The following GRK4 variants were observed in gnomAD, a reference collection of about 807,000 sequenced individuals.
GRK4 encodes G protein-coupled receptor kinase 4.
Under a neutral mutation model 77.9 loss-of-function variants are expected in GRK4, and 73 were observed. That is an observed-to-expected ratio of 0.94 (90% CI 0.78 to 1.14). The LOEUF is 1.14. Ranked by LOEUF, GRK4 falls within the 50% of genes most tolerant of loss-of-function variation. The pLI, the probability that GRK4 is intolerant of heterozygous loss-of-function variation, is 0.00. For synonymous variants in GRK4, 257 were observed against 254.4 expected (o/e 1.01, Z -0.10); for missense variants, 729 against 700.2 (o/e 1.04, Z -0.46).
In GRK4 at chr4:2,963,911, G is replaced by C; in HGVS notation, c.-160G>C. On this transcript the variant is annotated 5_prime_UTR_variant, in exon 1 of 16. Coordinates refer to ENST00000398052, the MANE Select transcript of GRK4 (RefSeq NM_182982.3). ...GGCGGCGGCGGCGGCGCCCTTGGTG[G>C]CAGTGGTGGCGGCGGAGCAGCCTCC... 1.4e-6 allele frequency: 1 copy of C among 721,312 alleles called. No individual in the cohort carries two copies. Among genetic ancestry groups the C allele is most frequent in the Non-Finnish European group, 2.4e-6 (1 of 415,630 alleles). The allele number at this position is 721,312 out of a possible 1,614,324, so 44.7% of individuals were successfully genotyped here. A position where few individuals can be genotyped will look rare whatever the true frequency, so the allele number is the denominator to read the frequency against.
At chr4:3,037,285 C>T (rs1010537650) in intron 13 of GRK4, 89 bp from the exon 14 acceptor site, 3 of 1,304,252 alleles carry the variant, frequency 2.3e-6, no homozygotes, top group African/African-American at 2.9e-5. Flanking sequence ...GTTTATGCGT[C>T]AGTTTGCTGG....
chr4:3,009,728 A>T lies in GRK4; in HGVS notation c.600+17A>T. ...TTTGGAGAGGTGAGTAACGGGAGCC[A>T]GTTCATAGCAGCGCTGCTAGCTGGG... is the stretch of plus-strand genomic sequence containing the variant. On this transcript the variant is annotated intron_variant, in intron 7 of 15. Transcript: ENST00000398052. The T allele has an allele frequency of 6.2e-7, 1 of 1,601,610 alleles. No individual in the cohort carries two copies. Among genetic ancestry groups the T allele is most frequent in the Non-Finnish European group, 8.6e-7 (1 of 1,168,684 alleles).
At chr4:2,976,735 G>A (rs1391795505) in intron 1 of GRK4, among the ~76,000 whole-genome samples, 2 of 150,908 alleles carry the variant, frequency 1.3e-5, no homozygotes, top group Non-Finnish European at 2.9e-5. Context: ...CCGCTTCCAG[G>A]TTCAGGTGAT....
chr4:2,982,288 C>G (rs560663471), intron 1 of GRK4, among the ~76,000 whole-genome samples: 1 of 152,370 alleles, frequency 6.6e-6, no homozygotes, highest in African/African-American at 2.4e-5. Context: ...CCCTGCCTGC[C>G]TCGCTGCTTG....
rs868582090 is a variant in GRK4, at chr4:3,019,744, C to G, written c.845C>G (p.Pro282Arg). The change falls in exon 9 of 16, where the codon CCC (proline) becomes CGC (arginine). Residue 282 changes from proline (P) to arginine (R), a missense_variant. Coordinates refer to ENST00000398052, the MANE Select transcript of GRK4 (RefSeq NM_182982.3). ...LKFHIYNLGN[P>R]GFDEQRAVFY... The stretch of plus-strand genomic sequence containing the variant: ...TTTCACATTTACAACCTGGGCAATC[C>G]CGGCTTTGATGAGCAGAGAGCCGTT... 2.5e-6 allele frequency: 4 copies of G among 1,613,980 alleles called. No individual in the cohort carries two copies. The highest frequency in any genetic ancestry group is 2.5e-6 in the Non-Finnish European group (3 of 1,180,030).
At chr4:3,037,739 A>AC (rs1176239426) in intron 14 of GRK4, among the ~76,000 whole-genome samples, 1 of 151,842 alleles carries the variant, frequency 6.6e-6, no homozygotes, top group African/African-American at 2.4e-5. Flanking sequence ...ACATAGTGAA[A>AC]CCCTGTCTCT....
intron 1 of GRK4, among the ~76,000 whole-genome samples, chr4:2,972,541 C>G (rs1347523039): frequency 1.3e-5 from 2 of 151,256 alleles, no homozygotes; most frequent in Non-Finnish European, 2.9e-5. Flanking sequence ...GGGGCCCTTT[C>G]TTCTCTCTCT....
chr4:2,967,792 AT>A (rs931599313), intron 1 of GRK4, among the ~76,000 whole-genome samples: 26 of 150,334 alleles, frequency 1.7e-4, no homozygotes, highest in Admixed American at 4.7e-4. Flanking sequence ...TATAAAAACA[AT>A]TTTTTTTTGA....
At chr4:2,988,927 G>A (rs970936858) in intron 3 of GRK4, 88 bp downstream of exon 3, 1 of 798,110 alleles carries the variant, frequency 1.3e-6, no homozygotes, top group Non-Finnish European at 2.2e-6. Context: ...AGCTCATGCT[G>A]TAATCCCAGC....
chr4:2,995,010 A>G (rs1395702596), intron 4 of GRK4, among the ~76,000 whole-genome samples: 1 of 151,266 alleles, frequency 6.6e-6, no homozygotes, highest in African/African-American at 2.4e-5. Context: ...TTTAGCTCCC[A>G]CTCTTAAGTA....
chr4:2,996,746 A>G (rs372782664), intron 4 of GRK4, among the ~76,000 whole-genome samples: 14 of 150,992 alleles, frequency 9.3e-5, no homozygotes, highest in East Asian at 5.8e-4. Flanking sequence ...TCTTACCATC[A>G]ACTGGGGAAA....
In GRK4 at chr4:3,008,631, G is replaced by A. The variant is rs538440926; in HGVS notation, c.536+803G>A. ...CAGCCTGGCCAAAATGGTGAAACCCGTCTCTACTAGAACTACAAAACTTAG... is the reference window on the plus strand; with the variant it reads ...CAGCCTGGCCAAAATGGTGAAACCCATCTCTACTAGAACTACAAAACTTAG... On this transcript the variant is annotated intron_variant, in intron 6 of 15. Coordinates refer to ENST00000398052, the MANE Select transcript of GRK4 (RefSeq NM_182982.3). Among the ~76,000 whole-genome samples the A allele has an allele frequency of 4.8e-4, 73 of 152,082 alleles. No individual in the cohort carries two copies. In the South Asian group the frequency reaches 7.5e-3, roughly 16 times the overall value.
rs36001597 is a variant in GRK4 at position 2,986,354 on chromosome 4, C to CTTTTTT, written c.148+1762_148+1767dup. On this transcript the variant is annotated intron_variant, in intron 2 of 15. Coordinates refer to ENST00000398052, the MANE Select transcript of GRK4 (RefSeq NM_182982.3). ...GTTCTTTATATATAAAAGGTGTTATCTTTTTTTTTTTTTTTTTTTTTGAGA... is the reference window on the plus strand; with the variant it reads ...GTTCTTTATATATAAAAGGTGTTATCTTTTTTTTTTTTTTTTTTTTTTTTTTTGAGA... Among the ~76,000 whole-genome samples, 45 of 73,256 alleles carry CTTTTTT rather than the reference C, an allele frequency of 6.1e-4. 3 individuals are homozygous for CTTTTTT. The highest frequency in any genetic ancestry group is 0.013 in the Middle Eastern group (1 of 78). The allele number at this position is 73,256 out of a possible 152,430, so 48.1% of individuals were successfully genotyped here.
intron 2 of GRK4, among the ~76,000 whole-genome samples, chr4:2,988,075 C>CAAAAAAAAAAAAAA (rs67664476): frequency 2.8e-3 from 95 of 33,654 alleles, no homozygotes; most frequent in African/African-American, 3.7e-3. Context: ...GGCTCTGTCT[C>CAAAAAAAAAAAAAA]AAAAAAAAAA....
chr4:2,988,611 G>T (rs2051556), intron 2 of GRK4, 116 bp from the exon 3 acceptor site: 195,806 of 601,496 alleles, frequency 0.33, 35,158 homozygotes, highest in African/African-American at 0.5. Context: ...AAAATAATAC[G>T]GCAAATACTG....
At chr4:2,966,653 T>G (rs1717798875) in intron 1 of GRK4, 1 of 152,236 alleles carries the variant, frequency 6.6e-6, no homozygotes, top group African/African-American at 2.4e-5. Flanking sequence ...ATGACTGTGT[T>G]TGTTACTTTA....
chr4:3,008,649 A>G (rs1026289476), intron 6 of GRK4, among the ~76,000 whole-genome samples: 1 of 152,060 alleles, frequency 6.6e-6, no homozygotes, highest in Non-Finnish European at 1.5e-5. Flanking sequence ...TAGAACTACA[A>G]AACTTAGCCA....
intron 12 of GRK4, among the ~76,000 whole-genome samples, chr4:3,030,349 A>G (rs1738800109): frequency 6.6e-6 from 1 of 152,172 alleles, no homozygotes; most frequent in African/African-American, 2.4e-5. Context: ...ACCACCCCTC[A>G]CTGCCCAGAC....
intron 3 of GRK4, among the ~76,000 whole-genome samples, chr4:2,990,910 G>A (rs1725967761): frequency 1.3e-5 from 2 of 152,122 alleles, no homozygotes; most frequent in Admixed American, 6.5e-5. Flanking sequence ...GACTATCCTC[G>A]TGATAGGTGA....
Sources: allele counts gnomAD v4.1 joint callset (sites outside exome capture counted in the v4.1 genomes callset), GRCh38; gene constraint gnomAD v4.1.1; transcripts MANE v1.5; gene names NCBI Gene and HGNC (gene_info 2026-07-23, HGNC 2026-07-21).